Variants in DIMT1 observed in about 807,000 individuals in gnomAD.
The protein encoded by DIMT1 is dimethyladenosine transferase.
A neutral mutation model predicts 43.2 loss-of-function variants in DIMT1; 36 were observed. That is an observed-to-expected ratio of 0.83 (90% CI 0.64 to 1.10). The LOEUF (loss-of-function observed/expected upper bound fraction) is 1.10. Among genes scored for constraint, DIMT1 ranks in the 50% least tolerant of loss-of-function variants. The pLI is 0.00. For synonymous variants in DIMT1, 126 were observed against 130.3 expected, an observed-to-expected ratio of 0.97 and a Z score of 0.22; for missense variants, 341 against 385.3, an observed-to-expected ratio of 0.88 and a Z score of 0.96.
rs1351564966 is a variant in DIMT1 at position 62,388,255 on chromosome 5, C to G, written c.*755G>C. On this transcript the variant is annotated 3_prime_UTR_variant, in exon 12 of 12. Transcript: ENST00000199320. Reference sequence around the variant, plus strand: ...AAACCAGTTTCAATTACAAAACCCTCTGAAATTTTGCTAAGCCTATAGTTA... The same window carrying G: ...AAACCAGTTTCAATTACAAAACCCTGTGAAATTTTGCTAAGCCTATAGTTA... 6.6e-6 allele frequency: 1 copy of G among 152,160 alleles called. No homozygotes were observed. Among genetic ancestry groups the G allele is most frequent in the East Asian group, 1.9e-4 (1 of 5,206 alleles). The allele number at this position is 152,160 out of a possible 1,614,324, so 9.4% of individuals were successfully genotyped here.
Position 62,390,818 on chromosome 5 carries a change from A to G in DIMT1, c.899+58T>C, listed in dbSNP as rs558683005. 130 of 1,412,154 alleles carry G rather than the reference A, an allele frequency of 9.2e-5. No homozygotes were observed. The African/African-American group carries it at 1.4e-3, about 15-fold the overall frequency. 87.5% of individuals were successfully genotyped at this position (1,412,154 alleles called of 1,614,324 possible). On this transcript the variant is annotated intron_variant, in intron 11 of 11. Coordinates refer to ENST00000199320, the MANE Select transcript of DIMT1 (RefSeq NM_014473.4). ...CGCTTAAAAGCCTTTAAAATCTCCA[A>G]TCTGAAGGTGTCACAGTAAAGAAAT...
chr5:62,393,683 C>A (rs1019191869), intron 8 of DIMT1, among the ~76,000 whole-genome samples: 1 of 152,016 alleles, frequency 6.6e-6, no homozygotes, highest in Admixed American at 6.6e-5. Flanking sequence ...AGATGTTACC[C>A]ATAATACTAC....
chr5:62,403,327 C>G lies in DIMT1; in HGVS notation c.99G>C (p.Gly33=), dbSNP rs751850541. ...GATTTTTCAAAATGTGCTGCCCAAT[C>G]CCCGTGTTGAACATGAGTCCTGTAA... ...KSAGGLMFNT[G]IGQHILKNPL... Residue 33 remains glycine, a synonymous_variant, in exon 2 of 12, where the codon GGG becomes GGC. Transcript: ENST00000199320. 1.2e-6 allele frequency: 2 copies of G among 1,614,002 alleles called. No homozygotes were observed. Among genetic ancestry groups the G allele is most frequent in the South Asian group, 2.2e-5 (2 of 91,054 alleles).
At chr5:62,392,321 T>A (rs1015598299) in intron 9 of DIMT1, 87 bp from the exon 10 acceptor site, 62 of 923,244 alleles carry the variant, frequency 6.7e-5, no homozygotes, top group Middle Eastern at 2.3e-4. Flanking sequence ...AACTAATACA[T>A]AAGCCATTTA....
chr5:62,393,810 C>T, intron 8 of DIMT1, 145 bp downstream of exon 8: 1 of 604,366 alleles, frequency 1.7e-6, no homozygotes, highest in Non-Finnish European at 2.7e-6. Flanking sequence ...ATTCCATCTA[C>T]TTCAGCACAG....
rs1191756364 is a variant in DIMT1 at position 62,387,281 on chromosome 5, G to A, written c.*1729C>T. On this transcript the variant is annotated 3_prime_UTR_variant, in exon 12 of 12. Coordinates refer to ENST00000199320, the MANE Select transcript of DIMT1 (RefSeq NM_014473.4). The stretch of plus-strand genomic sequence containing the variant: ...TATTCTATTTGTGTTTATTTCAAAG[G>A]GAAGAGGAAGGATGGAGAACTGTTA... The A allele has an allele frequency of 2.0e-5, 3 of 152,106 alleles. No homozygotes were observed. Among genetic ancestry groups the A allele is most frequent in the Non-Finnish European group, 4.4e-5 (3 of 68,004 alleles). The allele number at this position is 152,106 out of a possible 1,614,324, so 9.4% of individuals were successfully genotyped here.
In DIMT1 at chr5:62,392,940, G is replaced by A. The variant is rs755076198; in HGVS notation, c.714C>T (p.Leu238=). Residue 238 remains leucine, a synonymous_variant, in exon 9 of 12, where the codon CTC becomes CTT. Coordinates refer to ENST00000199320, the MANE Select transcript of DIMT1 (RefSeq NM_014473.4). ...GTAATACTTACTTAAATGCAGCAGA[G>A]AGTGTCTTGTTTTTCCTAACAAAGG... ...RITFVRKNKT[L]SAAFKSSAVQ... The A allele has an allele frequency of 6.2e-6, 10 of 1,607,968 alleles. No individual in the cohort carries two copies. The highest frequency in any genetic ancestry group is 8.5e-6 in the Non-Finnish European group (10 of 1,174,712).
At chr5:62,400,910 C>A (rs1580130982) in intron 3 of DIMT1, among the ~76,000 whole-genome samples, 1 of 151,762 alleles carries the variant, frequency 6.6e-6, no homozygotes, top group South Asian at 2.1e-4. Context: ...AGTCAGGCAC[C>A]ACCATGCCCA....
Position 62,387,850 on chromosome 5 carries a change from A to G in DIMT1, c.*1160T>C, listed in dbSNP as rs1742111194. 1 of 152,170 alleles carries G rather than the reference A, an allele frequency of 6.6e-6. No individual in the cohort carries two copies. Among genetic ancestry groups the G allele is most frequent in the African/African-American group, 2.4e-5 (1 of 41,464 alleles). The allele number at this position is 152,170 out of a possible 1,614,324, so 9.4% of individuals were successfully genotyped here. A position where few individuals can be genotyped will look rare whatever the true frequency, so the allele number is the denominator to read the frequency against. On this transcript the variant is annotated 3_prime_UTR_variant, in exon 12 of 12. Transcript: ENST00000199320. ...AGAACAAGCATTATTTTAATTATGT[A>G]GTAACATTTACTATGACTTTGAAGC...
At chr5:62,397,053 G>A (rs1424389717) in intron 6 of DIMT1, among the ~76,000 whole-genome samples, 11 of 152,102 alleles carry the variant, frequency 7.2e-5, no homozygotes, top group African/African-American at 2.4e-4. Flanking sequence ...GAGTTCAAGC[G>A]ATTCCCCTGC....
chr5:62,398,534 C>T lies in DIMT1; in HGVS notation c.423G>A (p.Leu141=), dbSNP rs1348699746. Residue 141 remains leucine (L), a synonymous_variant, in exon 6 of 12, where the codon CTG becomes CTA. Transcript: ENST00000199320. ...YQISSPFVFK[L]LLHRPFFRCA... ...ACCTGAAAAAAGGTCGATGTAGCAA[C>T]AGCTTGAAGACAAAAGGTGAAGAGA... The T allele has an allele frequency of 1.2e-6, 2 of 1,612,792 alleles. No individual in the cohort carries two copies. Among genetic ancestry groups the T allele is most frequent in the Admixed American group, 1.7e-5 (1 of 60,002 alleles).
intron 10 of DIMT1, chr5:62,391,790 T>G (rs918827214): frequency 1.9e-5 from 27 of 1,402,528 alleles, no homozygotes; most frequent in Non-Finnish European, 2.3e-5. Context: ...GTAACTGCTA[T>G]GTGAGCAAGA....
intron 11 of DIMT1, 120 bp from the exon 12 acceptor site, chr5:62,389,172 C>G (rs1742175595): frequency 1.3e-6 from 1 of 784,712 alleles, no homozygotes; most frequent in Non-Finnish European, 2.0e-6. Flanking sequence ...AGCCCACCCA[C>G]TCCTAATACT....
chr5:62,391,110 C>A, intron 10 of DIMT1, 128 bp from the exon 11 acceptor site: 2 of 677,170 alleles, frequency 3.0e-6, no homozygotes, highest in Non-Finnish European at 4.9e-6. Flanking sequence ...CTTTGGAAAG[C>A]CTGATTTTTA....
intron 10 of DIMT1, chr5:62,391,654 T>C: frequency 1.8e-6 from 2 of 1,097,562 alleles, no homozygotes; most frequent in African/African-American, 3.3e-5. Flanking sequence ...GCTAAAAAGA[T>C]AGCAAACATC....
chr5:62,397,869 C>T lies in DIMT1; in HGVS notation c.446+642G>A, dbSNP rs143505259. The stretch of plus-strand genomic sequence containing the variant: ...TTCACCATGTTAGCCAGGATGGTCT[C>T]GATCTCCTGACCTCATGATCCGCCT... On this transcript the variant is annotated intron_variant, in intron 6 of 11. Transcript: ENST00000199320. Among the ~76,000 whole-genome samples the T allele has an allele frequency of 4.8e-3, 728 of 152,194 alleles. 6 individuals are homozygous for T. Among genetic ancestry groups the T allele is most frequent in the African/African-American group, 0.016 (682 of 41,526 alleles).
At position 62,402,056 on chromosome 5, in the gene DIMT1, A is replaced by G; in HGVS notation, c.220T>C (p.Leu74=). The G allele has an allele frequency of 8.7e-6, 14 of 1,613,848 alleles. No individual in the cohort carries two copies. The highest frequency in any genetic ancestry group is 1.1e-5 in the Non-Finnish European group (13 of 1,179,920). ...TCTACCTTTTTTGCCTTTTCTAACAACTTTACAGTCATGTTGCCAGTTCCA... is the reference window on the plus strand; with the variant it reads ...TCTACCTTTTTTGCCTTTTCTAACAGCTTTACAGTCATGTTGCCAGTTCCA... ...GPGTGNMTVK[L]LEKAKKVVAC... is the part of the protein sequence containing the mutation. Residue 74 remains leucine (L), a synonymous_variant, in exon 3 of 12, where the codon TTG becomes CTG. Transcript: ENST00000199320.
intron 3 of DIMT1, among the ~76,000 whole-genome samples, chr5:62,400,551 C>T (rs1580130628): frequency 6.6e-6 from 1 of 151,568 alleles, no homozygotes; most frequent in Non-Finnish European, 1.5e-5. Context: ...CCATGCCCAG[C>T]CTTTTTATTT....
At chr5:62,390,487 T>C (rs1011753962) in intron 11 of DIMT1, among the ~76,000 whole-genome samples, 6 of 152,210 alleles carry the variant, frequency 3.9e-5, no homozygotes, top group African/African-American at 1.4e-4. Flanking sequence ...ATTTTAAAAA[T>C]CAGATCCAGT....
Sources: allele counts gnomAD v4.1 joint callset (sites outside exome capture counted in the v4.1 genomes callset), GRCh38; gene constraint gnomAD v4.1.1; transcripts MANE v1.5; gene names NCBI Gene and HGNC (gene_info 2026-07-23, HGNC 2026-07-21).